PAPPA2: variants seen among roughly 807,000 people sequenced by gnomAD.
The protein encoded by PAPPA2 is pappalysin-2.
Under a neutral mutation model 176.4 loss-of-function variants are expected in PAPPA2, and 86 were observed. That is an observed-to-expected ratio of 0.49 (90% CI 0.41 to 0.58). The LOEUF (loss-of-function observed/expected upper bound fraction) is 0.58. PAPPA2 is among the 20% of genes least tolerant of loss of function. The pLI is 0.00. For missense variants in PAPPA2, 2,073 were observed against 2,256.9 expected, an observed-to-expected ratio of 0.92 and a Z score of 1.65; for synonymous variants, 809 against 852.2, an observed-to-expected ratio of 0.95 and a Z score of 0.88.
intron 1 of PAPPA2, among the ~76,000 whole-genome samples, chr1:176,507,173 A>T (rs1187885585): frequency 6.6e-6 from 1 of 152,166 alleles, no homozygotes; most frequent in South Asian, 2.1e-4. Context: ...AGTGGTCAAC[A>T]AATACATAAA....
chr1:176,545,415 A>T (rs1460833155), intron 1 of PAPPA2, among the ~76,000 whole-genome samples: 6 of 146,284 alleles, frequency 4.1e-5, no homozygotes, highest in East Asian at 2.0e-4. Context: ...AACCTCAGAA[A>T]AAATAAATAA....
chr1:176,593,619 T>C (rs1653787102), intron 2 of PAPPA2, among the ~76,000 whole-genome samples: 1 of 152,168 alleles, frequency 6.6e-6, no homozygotes. Context: ...CATCTGAAAG[T>C]TTGTGTCCAT....
chr1:176,623,651 CTTTCTTTCTTTCTTTCTT>C (rs1240884169), intron 3 of PAPPA2, among the ~76,000 whole-genome samples: 239 of 130,346 alleles, frequency 1.8e-3, no homozygotes, highest in Middle Eastern at 0.012. Flanking sequence ...TTCTTTCTTT[CTTTCTTTCTTTCTTTCTT>C]TTTCTTTCTT....
intron 4 of PAPPA2, among the ~76,000 whole-genome samples, chr1:176,683,014 AT>A (rs1468598197): frequency 8.1e-5 from 11 of 136,014 alleles, no homozygotes; most frequent in African/African-American, 3.4e-4. Flanking sequence ...AAAGCTATTT[AT>A]TTATTTATTT....
rs768157918 is a variant in PAPPA2, at chr1:176,740,136, G to A, written c.4091G>A (p.Gly1364Asp). 3 of 1,613,702 alleles carry A rather than the reference G, an allele frequency of 1.9e-6. No homozygotes were observed. The highest frequency in any genetic ancestry group is 2.5e-6 in the Non-Finnish European group (3 of 1,179,868). The change falls in exon 14 of 23, where the codon GGT (glycine) becomes GAT (aspartate). Residue 1364 changes from glycine (G) to aspartate (D), a missense_variant. This residue lies in a region of PAPPA2 where 846 missense variants were observed against 857.9 expected (regional missense o/e 0.99). Coordinates refer to ENST00000367662, the MANE Select transcript of PAPPA2 (RefSeq NM_020318.3). The part of the protein sequence containing the change: ...AVALRTSSRI[G>D]LSAPSNCISE... ...GCTCTAAGGACATCCTCCCGCATTG[G>A]TCTTTCGGCTCCCAGTAACTGCATC...
intron 3 of PAPPA2, among the ~76,000 whole-genome samples, chr1:176,623,614 C>CTTTTT (rs1558479036): frequency 1.1e-5 from 1 of 88,262 alleles, no homozygotes; most frequent in African/African-American, 5.2e-5. Flanking sequence ...TTCCTTCCTT[C>CTTTTT]CTTCCTTCCT....
chr1:176,696,203 T>C (rs1660374674), intron 7 of PAPPA2, among the ~76,000 whole-genome samples: 1 of 151,466 alleles, frequency 6.6e-6, no homozygotes, highest in African/African-American at 2.4e-5. Flanking sequence ...TGCCTACTGG[T>C]CCTTGGAGTA....
Position 176,588,706 on chromosome 1 carries a change from T to G in PAPPA2, c.920-5818T>G, listed in dbSNP as rs529607946. Among the ~76,000 whole-genome samples the G allele has an allele frequency of 6.6e-4, 100 of 152,286 alleles. 4 individuals carry two copies. In the South Asian group the frequency reaches 0.021, roughly 31 times the overall value. ...TATTTCTTAGGTGGAGGGAGGGATG[T>G]GAGTGCACATAATGTCCATGGTAAG... is the stretch of plus-strand genomic sequence containing the variant. On this transcript the variant is annotated intron_variant, in intron 2 of 22. Coordinates refer to ENST00000367662, the MANE Select transcript of PAPPA2 (RefSeq NM_020318.3).
intron 10 of PAPPA2, among the ~76,000 whole-genome samples, chr1:176,709,316 G>A (rs923447660): frequency 1.3e-5 from 2 of 152,008 alleles, no homozygotes; most frequent in Non-Finnish European, 2.9e-5. Flanking sequence ...CCTTTCGAGG[G>A]TCCTCTACAA....
Position 176,699,257 on chromosome 1 carries a change from G to A in PAPPA2, c.2904G>A (p.Leu968=). 1 of 1,614,152 alleles carries A rather than the reference G, an allele frequency of 6.2e-7. No individual in the cohort carries two copies. Among genetic ancestry groups the A allele is most frequent in the Non-Finnish European group, 8.5e-7 (1 of 1,180,016 alleles). ...QHPVQADTLT[L]WVTSFFMESS... is the part of the protein sequence containing the mutation. ...CGGTCCAAGCCGACACCCTCACCCT[G>A]TGGGTCACTTCCTTCTTCATGGAGT... Residue 968 remains leucine, a synonymous_variant, in exon 8 of 23, where the codon CTG becomes CTA. Coordinates refer to ENST00000367662, the MANE Select transcript of PAPPA2 (RefSeq NM_020318.3).
chr1:176,541,849 A>G (rs1197875762), intron 1 of PAPPA2, among the ~76,000 whole-genome samples: 2 of 152,230 alleles, frequency 1.3e-5, no homozygotes, highest in East Asian at 1.9e-4. Flanking sequence ...TGCCCACAGT[A>G]TCTGAGTCAC....
chr1:176,509,872 CA>C (rs113886691), intron 1 of PAPPA2, among the ~76,000 whole-genome samples: 4 of 150,670 alleles, frequency 2.7e-5, no homozygotes, highest in African/African-American at 9.7e-5. Flanking sequence ...AAAAAAACAA[CA>C]AAAAAAACAC....
intron 21 of PAPPA2, among the ~76,000 whole-genome samples, chr1:176,800,958 T>C (rs1276582381): frequency 6.6e-6 from 1 of 152,172 alleles, no homozygotes. Flanking sequence ...TTTCTTTAGT[T>C]AGATTAACTG....
intron 2 of PAPPA2, among the ~76,000 whole-genome samples, chr1:176,586,042 G>A (rs1653283073): frequency 6.6e-6 from 1 of 151,880 alleles, no homozygotes; most frequent in Admixed American, 6.6e-5. Flanking sequence ...CTTTAGAATT[G>A]TTTTGTTCCT....
At position 176,617,634 on chromosome 1, in the gene PAPPA2, G is replaced by A. The variant is rs146991079; in HGVS notation, c.1991+22039G>A. Among the ~76,000 whole-genome samples the A allele has an allele frequency of 7.2e-3, 1,091 of 151,604 alleles. 18 individuals carry two copies. The highest frequency in any genetic ancestry group is 0.024 in the African/African-American group (1,002 of 41,170). The stretch of plus-strand genomic sequence containing the variant: ...TTTCATTCTTTTATATGGCTGAGTG[G>A]TATTCCATGGCGCATATATATATAT... On this transcript the variant is annotated intron_variant, in intron 3 of 22. Coordinates refer to ENST00000367662, the MANE Select transcript of PAPPA2 (RefSeq NM_020318.3).
chr1:176,470,721 T>TA (rs1241752246), intron 1 of PAPPA2, among the ~76,000 whole-genome samples: 2 of 152,134 alleles, frequency 1.3e-5, no homozygotes, highest in African/African-American at 4.8e-5. Context: ...AAATGTGAAA[T>TA]AAAAACACTA....
rs142097190 is a variant in PAPPA2, at chr1:176,524,235, C to T, written c.-916-31172C>T. 2.1e-4 allele frequency among the ~76,000 whole-genome samples: 32 copies of T among 151,484 alleles called. No homozygotes were observed. The East Asian group carries it at 4.5e-3, about 21-fold the overall frequency. On this transcript the variant is annotated intron_variant, in intron 1 of 22. Transcript: ENST00000367662. ...CAGATCTGATGTAATAAGCCATATACGCTGCAGAGTGCACTCAGCTCAGGC... is the reference window on the plus strand; with the variant it reads ...CAGATCTGATGTAATAAGCCATATATGCTGCAGAGTGCACTCAGCTCAGGC...
intron 8 of PAPPA2, 56 bp downstream of exon 8, chr1:176,699,645 T>G (rs1273327922): frequency 1.3e-6 from 2 of 1,527,636 alleles, no homozygotes; most frequent in Non-Finnish European, 1.8e-6. Flanking sequence ...TGGGTTTTGT[T>G]ACTTTTCCCC....
At chr1:176,465,165 A>G (rs1221100648) in intron 1 of PAPPA2, among the ~76,000 whole-genome samples, 2 of 152,182 alleles carry the variant, frequency 1.3e-5, no homozygotes, top group Non-Finnish European at 2.9e-5. Flanking sequence ...GGTACATCTA[A>G]GTTGTTTTCA....
Sources: allele counts gnomAD v4.1 joint callset (sites outside exome capture counted in the v4.1 genomes callset), GRCh38; gene constraint gnomAD v4.1.1; regional missense constraint gnomAD v4.1.1; transcripts MANE v1.5; gene names NCBI Gene and HGNC (gene_info 2026-07-23, HGNC 2026-07-21).